TTF2: variants seen among roughly 807,000 people sequenced by gnomAD.
The protein encoded by TTF2 is transcription termination factor 2, also known as RNA polymerase II termination factor.
TTF2 carries 108 observed loss-of-function variants against 142.4 expected under a neutral mutation model. The observed-to-expected ratio is 0.76, with a 90% CI of 0.65 to 0.89. The LOEUF (loss-of-function observed/expected upper bound fraction) is 0.89, where lower values mean the gene tolerates loss of function less well. Among genes scored for constraint, TTF2 ranks in the 40% least tolerant of loss-of-function variants. TTF2 has a pLI of 0.00. For missense variants in TTF2, 1,327 were observed against 1,379.8 expected (o/e 0.96, Z 0.61); for synonymous variants, 483 against 506.2 (o/e 0.95, Z 0.61).
At position 117,095,245 on chromosome 1, in the gene TTF2, G is replaced by A. The variant is rs1175396828; in HGVS notation, c.2977-64G>A. The A allele has an allele frequency of 2.6e-6, 4 of 1,535,226 alleles. No individual in the cohort carries two copies. In the South Asian group the frequency reaches 3.4e-5, roughly 13 times the overall value. Reference sequence around the variant, plus strand: ...ATGTAGGAGGCTGCTTCGCATGGCAGGTGAGGGGAGATGGAGAAAAGTGAA... The same window carrying A: ...ATGTAGGAGGCTGCTTCGCATGGCAAGTGAGGGGAGATGGAGAAAAGTGAA... On this transcript the variant is annotated intron_variant, in intron 18 of 22. Transcript: ENST00000369466.
rs934229520 is a variant in TTF2 at position 117,106,487 on chromosome 1, CT to C, written c.*4968del. The C allele has an allele frequency of 2.0e-5, 3 of 152,174 alleles. No homozygotes were observed. Among genetic ancestry groups the C allele is most frequent in the African/African-American group, 7.2e-5 (3 of 41,428 alleles). 9.4% of individuals were successfully genotyped at this position (152,174 alleles called of 1,614,324 possible). ...GTAATTCAGAAATGTATATTGAACA[CT>C]TTTTATATGCCAGGCACTGCTGGGC... On this transcript the variant is annotated 3_prime_UTR_variant, in exon 23 of 23. Transcript: ENST00000369466.
In TTF2 at chr1:117,106,404, ATAGG is replaced by A. The variant is rs1261600623; in HGVS notation, c.*4884_*4887del. 6.6e-6 allele frequency: 1 copy of A among 152,220 alleles called. No individual in the cohort carries two copies. The highest frequency in any genetic ancestry group is 2.4e-5 in the African/African-American group (1 of 41,454). The allele number at this position is 152,220 out of a possible 1,614,324, so 9.4% of individuals were successfully genotyped here. On this transcript the variant is annotated 3_prime_UTR_variant, in exon 23 of 23. Transcript: ENST00000369466. ...TCCATAGCTAAATCCAGATGTATTA[ATAGG>A]TAGAGACTACTTCAGAAAGGATGAG...
At chr1:117,078,148 A>T in intron 8 of TTF2, 105 bp downstream of exon 8, 1 of 1,427,716 alleles carries the variant, frequency 7.0e-7, no homozygotes, top group Non-Finnish European at 9.4e-7. Flanking sequence ...CTACAGACAG[A>T]TGCTTAAATG....
At position 117,085,278 on chromosome 1, in the gene TTF2, G is replaced by A. The variant is rs773995480; in HGVS notation, c.2054+1110G>A. ...TTTATTGAGGTTCTCTTGGGGCTGG[G>A]CATGGTGGCTCATGCCTATAATCCG... On this transcript the variant is annotated intron_variant, in intron 11 of 22. Transcript: ENST00000369466. This position sits in a 1 kb window ranked among gnomAD's most constrained non-coding sequence, Gnocchi z 4.7. 1.3e-5 allele frequency among the ~76,000 whole-genome samples: 2 copies of A among 152,182 alleles called. No individual in the cohort carries two copies. Among genetic ancestry groups the A allele is most frequent in the Admixed American group, 1.3e-4 (2 of 15,278 alleles).
rs1296106167 is a variant in TTF2, at chr1:117,070,283, T to C, written c.219-3378T>C. ...CTGAGAAATGCGTCATTAGGAGATT[T>C]CATTTTTGTGTGAACGTCACTGTGT... On this transcript the variant is annotated intron_variant, in intron 3 of 22. Transcript: ENST00000369466. This position sits in a 1 kb window ranked among gnomAD's most constrained non-coding sequence, Gnocchi z 4.2. Among the ~76,000 whole-genome samples, 2 of 152,262 alleles carry C rather than the reference T, an allele frequency of 1.3e-5. No individual in the cohort carries two copies. The highest frequency in any genetic ancestry group is 1.3e-4 in the Admixed American group (2 of 15,290).
In TTF2 at chr1:117,076,760, G is replaced by C. The variant is rs745906733; in HGVS notation, c.1510G>C (p.Gly504Arg). ...TCCTCGTCGTGGTACCCAACCTGTG[G>C]GTTCTCTAGAACTAAAGTCTGCCTG... ...PLPRRGTQPVGSLELKSACQV... is the reference protein window; with the variant it reads ...PLPRRGTQPVRSLELKSACQV... The change falls in exon 7 of 23, where the codon GGT (glycine) becomes CGT (arginine). Residue 504 changes from glycine to arginine, a missense_variant. By Grantham distance (125) the Gly-to-Arg change is moderately radical (BLOSUM62 -2). Transcript: ENST00000369466. The surrounding 1 kb of genome is among the most constrained non-coding windows in gnomAD (Gnocchi z 4.6). 7 of 1,614,136 alleles carry C rather than the reference G, an allele frequency of 4.3e-6. No homozygotes were observed. Among genetic ancestry groups the C allele is most frequent in the Non-Finnish European group, 5.9e-6 (7 of 1,180,016 alleles).
At chr1:117,077,366 T>C (rs1657099285) in intron 7 of TTF2, among the ~76,000 whole-genome samples, 1 of 152,256 alleles carries the variant, frequency 6.6e-6, no homozygotes, top group Admixed American at 6.5e-5. Context: ...TGTTCACCAC[T>C]GTATGCTGAT....
intron 21 of TTF2, chr1:117,098,616 T>G (rs768423670): frequency 8.7e-6 from 4 of 457,982 alleles, no homozygotes; most frequent in Non-Finnish European, 3.9e-6. Flanking sequence ...GATCGACAGA[T>G]TTTTTTTCTT....
chr1:117,068,343 A>G (rs980459862), intron 3 of TTF2, among the ~76,000 whole-genome samples: 2 of 152,144 alleles, frequency 1.3e-5, no homozygotes, highest in Non-Finnish European at 1.5e-5. Context: ...GAGCTTAACC[A>G]TGAGAACACT....
At chr1:117,071,774 T>C (rs1656596881) in intron 3 of TTF2, among the ~76,000 whole-genome samples, 1 of 152,212 alleles carries the variant, frequency 6.6e-6, no homozygotes, top group South Asian at 2.1e-4. Flanking sequence ...AAAGAGATCA[T>C]GTATGGTTTT....
intron 1 of TTF2, 25 bp from the exon 2 acceptor site, chr1:117,060,430 G>A (rs767902973): frequency 1.9e-6 from 3 of 1,611,074 alleles, no homozygotes; most frequent in South Asian, 2.2e-5. Context: ...TGGCGTAATC[G>A]TTGTTCACTT....
In TTF2 at chr1:117,084,043, A is replaced by G. The variant is rs1647782818; in HGVS notation, c.1929A>G (p.Gly643=). ...ACTCTTGTGACTTTACTTCCCATGG[A>G]ACACTAATCATCTGTCCTGCCTCCC... The part of the protein sequence containing the change: ...KDDSCDFTSH[G]TLIICPASLI... Residue 643 remains glycine, a synonymous_variant, in exon 11 of 23, where the codon GGA becomes GGG. Transcript: ENST00000369466. 6.2e-7 allele frequency: 1 copy of G among 1,614,052 alleles called. No individual in the cohort carries two copies. Among genetic ancestry groups the G allele is most frequent in the Admixed American group, 1.7e-5 (1 of 60,006 alleles).
At position 117,096,231 on chromosome 1, in the gene TTF2, G is replaced by A. The variant is rs183289741; in HGVS notation, c.3118G>A (p.Asp1040Asn). Residue 1040 changes from aspartate to asparagine, a missense_variant, in exon 20 of 23, where the codon GAT (aspartate) becomes AAT (asparagine). Transcript: ENST00000369466. ...KKHGLTYATI[D>N]GSVNPKQRMD... ...GCATGGACTGACTTATGCCACCATCGATGGCTCTGTCAATCCCAAGCAGAG... is the reference window on the plus strand; with the variant it reads ...GCATGGACTGACTTATGCCACCATCAATGGCTCTGTCAATCCCAAGCAGAG... 159 of 1,614,004 alleles carry A rather than the reference G, an allele frequency of 9.9e-5. No homozygotes were observed. The highest frequency in any genetic ancestry group is 8.7e-4 in the South Asian group (79 of 91,074).
intron 9 of TTF2, among the ~76,000 whole-genome samples, chr1:117,081,169 T>G (rs559182294): frequency 5.9e-5 from 9 of 152,368 alleles, no homozygotes; most frequent in African/African-American, 1.9e-4. Flanking sequence ...ATTATTTTTC[T>G]GGACAGTAGC....
intron 22 of TTF2, 81 bp downstream of exon 22, chr1:117,098,988 T>C: frequency 1.5e-6 from 2 of 1,358,448 alleles, no homozygotes; most frequent in Non-Finnish European, 2.0e-6. Flanking sequence ...AGTGTTTTCA[T>C]AGAATTTAAA....
chr1:117,060,352 A>G lies in TTF2; in HGVS notation c.6A>G (p.Glu2=), dbSNP rs775916147. M[E]EVRCPEHGTF... ...AACTTGGGGGACCCAGCGAAATGGA[A>G]GAAGTTAGGTGTCCAGAGCACGGTA... The change falls in exon 1 of 23, where the codon GAA becomes GAG. Residue 2 remains glutamate (E), a synonymous_variant. Transcript: ENST00000369466. 8.1e-6 allele frequency: 13 copies of G among 1,596,924 alleles called. No individual in the cohort carries two copies. Among genetic ancestry groups the G allele is most frequent in the Non-Finnish European group, 1.1e-5 (13 of 1,171,906 alleles).
At position 117,070,537 on chromosome 1, in the gene TTF2, A is replaced by C. The variant is rs1656494526; in HGVS notation, c.219-3124A>C. ...CATCATGCAGCACGGGACTGTACTT[A>C]TGAAATATTCTTTCAGTAAAGATTT... On this transcript the variant is annotated intron_variant, in intron 3 of 22. Coordinates refer to ENST00000369466, the MANE Select transcript of TTF2 (RefSeq NM_003594.4). This position sits in a 1 kb window ranked among gnomAD's most constrained non-coding sequence, Gnocchi z 4.2. 6.6e-6 allele frequency among the ~76,000 whole-genome samples: 1 copy of C among 152,240 alleles called. No individual in the cohort carries two copies. Among genetic ancestry groups the C allele is most frequent in the Non-Finnish European group, 1.5e-5 (1 of 68,048 alleles).
In TTF2 at chr1:117,087,826, T is replaced by A. The variant is rs890724901; in HGVS notation, c.2161-975T>A. On this transcript the variant is annotated intron_variant, in intron 12 of 22. Coordinates refer to ENST00000369466, the MANE Select transcript of TTF2 (RefSeq NM_003594.4). The surrounding 1 kb of genome is among the most constrained non-coding windows in gnomAD (Gnocchi z 4.8). The stretch of plus-strand genomic sequence containing the variant: ...AAGAATCTTTTCTGGACCACTCCCT[T>A]CCCACCTTCCCCCGGTTTGGTTGAA... 1.3e-5 allele frequency among the ~76,000 whole-genome samples: 2 copies of A among 152,186 alleles called. No individual in the cohort carries two copies. Among genetic ancestry groups the A allele is most frequent in the African/African-American group, 4.8e-5 (2 of 41,442 alleles).
rs1431115128 is a variant in TTF2, at chr1:117,090,515, T to A, written c.2497-17T>A. ...ATTTGTATAGCTTCATGCCAGCTTT[T>A]TTTTTTATTCTTCCAGGTGATACTG... On this transcript the variant is annotated splice_polypyrimidine_tract_variant and intron_variant, in intron 14 of 22. Transcript: ENST00000369466. This position sits in a 1 kb window ranked among gnomAD's most constrained non-coding sequence, Gnocchi z 4.8. 6.2e-7 allele frequency: 1 copy of A among 1,605,720 alleles called. No individual in the cohort carries two copies. The highest frequency in any genetic ancestry group is 8.5e-7 in the Non-Finnish European group (1 of 1,176,992).
Sources: allele counts gnomAD v4.1 joint callset (sites outside exome capture counted in the v4.1 genomes callset), GRCh38; gene constraint gnomAD v4.1.1; non-coding constraint Gnocchi (gnomAD v3.1); transcripts MANE v1.5; gene names NCBI Gene and HGNC (gene_info 2026-07-23, HGNC 2026-07-21).